The following ME2 variants were observed in gnomAD, a reference collection of about 807,000 sequenced individuals.
The protein encoded by ME2 is malic enzyme 2.
A neutral mutation model predicts 73.7 loss-of-function variants in ME2; 60 were observed. That is an observed-to-expected ratio of 0.81 (90% CI 0.66 to 1.01). The LOEUF is 1.01. Ranked by LOEUF, ME2 falls within the 50% of genes least tolerant of loss-of-function variation. ME2 has a pLI of 0.00. For synonymous variants in ME2, 199 were observed against 236.9 expected, an observed-to-expected ratio of 0.84 and a Z score of 1.47; for missense variants, 594 against 705.5, an observed-to-expected ratio of 0.84 and a Z score of 1.79.
At chr18:50,890,840 C>T (rs1289741155) in intron 1 of ME2, among the ~76,000 whole-genome samples, 1 of 152,178 alleles carries the variant, frequency 6.6e-6, no homozygotes, top group Non-Finnish European at 1.5e-5. Context: ...GTACAGAGTT[C>T]TGGACAGAGC....
intron 1 of ME2, among the ~76,000 whole-genome samples, chr18:50,895,238 A>G (rs538873513): frequency 1.6e-5 from 2 of 123,952 alleles, no homozygotes; most frequent in South Asian, 6.8e-4. Flanking sequence ...ATTATTTTAT[A>G]TAAAGTAATT....
chr18:50,897,702 A>C (rs553265339), intron 2 of ME2, among the ~76,000 whole-genome samples: 1 of 152,168 alleles, frequency 6.6e-6, no homozygotes, highest in Non-Finnish European at 1.5e-5. Flanking sequence ...CTCTACTAAA[A>C]ATACATAATT....
intron 3 of ME2, among the ~76,000 whole-genome samples, chr18:50,911,742 A>C (rs113363326): frequency 2.0e-5 from 3 of 152,238 alleles, no homozygotes; most frequent in Admixed American, 2.0e-4. Flanking sequence ...AAGTAAGTCA[A>C]CATGAAGAAG....
chr18:50,885,196 A>G (rs2095108519), intron 1 of ME2, among the ~76,000 whole-genome samples: 1 of 152,170 alleles, frequency 6.6e-6, no homozygotes, highest in African/African-American at 2.4e-5. Context: ...CTCTCCTGGA[A>G]GAGCCACATA....
Position 50,947,309 on chromosome 18 carries a change from T to C in ME2, c.*125T>C. On this transcript the variant is annotated 3_prime_UTR_variant, in exon 16 of 16. Transcript: ENST00000321341. ...TTCTCCCTGACCACTTTGGTTGATG[T>C]ATTTTTTCCATGCGTCTCCACATCT... is the stretch of plus-strand genomic sequence containing the variant. 1.0e-6 allele frequency: 1 copy of C among 962,008 alleles called. No homozygotes were observed. Among genetic ancestry groups the C allele is most frequent in the Non-Finnish European group, 1.6e-6 (1 of 644,568 alleles). The allele number at this position is 962,008 out of a possible 1,614,324, so 59.6% of individuals were successfully genotyped here.
intron 14 of ME2, chr18:50,939,890 A>G (rs887198774): frequency 3.5e-5 from 16 of 457,028 alleles, no homozygotes; most frequent in Non-Finnish European, 5.9e-5. Flanking sequence ...ATATCTGAAT[A>G]TATTGTGACA....
Position 50,947,077 on chromosome 18 carries a change from G to A in ME2, c.1648G>A (p.Ala550Thr), listed in dbSNP as rs1341414928. ...CCGATACCCAGAACCTGAAGACAAG[G>A]CCAAATATGTTAAAGAAAGAACATG... ...AFRYPEPEDKAKYVKERTWRS... is the reference protein window; with the variant it reads ...AFRYPEPEDKTKYVKERTWRS... The change falls in exon 16 of 16, where the codon GCC becomes ACC. Residue 550 changes from alanine to threonine, a missense_variant. Physicochemically the swap from Ala to Thr is moderately conservative, Grantham distance 58. Coordinates refer to ENST00000321341, the MANE Select transcript of ME2 (RefSeq NM_002396.5). 3 of 1,613,838 alleles carry A rather than the reference G, an allele frequency of 1.9e-6. No individual in the cohort carries two copies. The highest frequency in any genetic ancestry group is 2.5e-6 in the Non-Finnish European group (3 of 1,179,944).
At position 50,947,333 on chromosome 18, in the gene ME2, CTGTTGGGG is replaced by C; in HGVS notation, c.*151_*158del. The C allele has an allele frequency of 4.3e-6, 3 of 696,714 alleles. No individual in the cohort carries two copies. The highest frequency in any genetic ancestry group is 4.8e-6 in the Non-Finnish European group (2 of 418,318). The allele number at this position is 696,714 out of a possible 1,614,324, so 43.2% of individuals were successfully genotyped here. A position where few individuals can be genotyped will look rare whatever the true frequency, so the allele number is the denominator to read the frequency against. ...GTATTTTTTCCATGCGTCTCCACAT[CTGTTGGGG>C]TAGACGTGTTGATTGATTGCATTGC... On this transcript the variant is annotated 3_prime_UTR_variant, in exon 16 of 16. Transcript: ENST00000321341.
rs1161396426 is a variant in ME2 at position 50,953,190 on chromosome 18, C to T, written c.*6006C>T. The T allele has an allele frequency of 2.6e-5, 4 of 151,738 alleles. No homozygotes were observed. The highest frequency in any genetic ancestry group is 4.4e-5 in the Non-Finnish European group (3 of 68,080). 9.4% of individuals were successfully genotyped at this position (151,738 alleles called of 1,614,324 possible). On this transcript the variant is annotated 3_prime_UTR_variant, in exon 16 of 16. Coordinates refer to ENST00000321341, the MANE Select transcript of ME2 (RefSeq NM_002396.5). ...TCTCAGCTCACTGCAAGCTCCGCCTCCCGGGTTATGCCATTCTCCTGCCTC... is the reference window on the plus strand; with the variant it reads ...TCTCAGCTCACTGCAAGCTCCGCCTTCCGGGTTATGCCATTCTCCTGCCTC...
chr18:50,909,393 A>G (rs749096016), intron 3 of ME2, among the ~76,000 whole-genome samples: 2 of 152,216 alleles, frequency 1.3e-5, no homozygotes, highest in African/African-American at 4.8e-5. Flanking sequence ...AAAAAGGTAC[A>G]AGCAGATATA....
At chr18:50,917,626 T>C in intron 6 of ME2, 118 bp downstream of exon 6, 1 of 610,520 alleles carries the variant, frequency 1.6e-6, no homozygotes, top group Non-Finnish European at 2.5e-6. Flanking sequence ...GATTTTTTTT[T>C]CTTAAACTCC....
At chr18:50,940,894 A>AT (rs1481891701) in intron 15 of ME2, among the ~76,000 whole-genome samples, 2 of 151,886 alleles carry the variant, frequency 1.3e-5, no homozygotes, top group Non-Finnish European at 2.9e-5. Flanking sequence ...TCTCTTTATT[A>AT]TTTTTTCAAA....
chr18:50,933,477 GT>G (rs1196753920), intron 13 of ME2: 1 of 151,960 alleles, frequency 6.6e-6, no homozygotes, highest in Non-Finnish European at 1.5e-5. Context: ...TGCCCCTCAT[GT>G]TTTCCTATAT....
chr18:50,940,157 G>A, intron 14 of ME2, 131 bp from the exon 15 acceptor site: 1 of 696,596 alleles, frequency 1.4e-6, no homozygotes. Flanking sequence ...TGGTTTAAGT[G>A]TATTCCTTCA....
intron 12 of ME2, among the ~76,000 whole-genome samples, chr18:50,930,210 T>G (rs1466176233): frequency 6.6e-6 from 1 of 151,982 alleles, no homozygotes; most frequent in Non-Finnish European, 1.5e-5. Context: ...CAGTGAGCTG[T>G]GATCGTGCCA....
chr18:50,910,299 C>T (rs1172322240), intron 3 of ME2, among the ~76,000 whole-genome samples: 4 of 137,672 alleles, frequency 2.9e-5, no homozygotes, highest in African/African-American at 1.1e-4. Flanking sequence ...AAAAGCCAGG[C>T]ATGGTGTCGC....
intron 2 of ME2, among the ~76,000 whole-genome samples, chr18:50,906,773 TA>T (rs1917029653): frequency 6.6e-6 from 1 of 152,192 alleles, no homozygotes; most frequent in Admixed American, 6.5e-5. Context: ...TGTTGCGGCA[TA>T]CCTCCAGCAC....
chr18:50,927,315 CA>C (rs1179273361), intron 12 of ME2, among the ~76,000 whole-genome samples: 4 of 152,098 alleles, frequency 2.6e-5, no homozygotes, highest in African/African-American at 4.8e-5. Flanking sequence ...AAATCTGATA[CA>C]TTTTTTTAAT....
At chr18:50,912,608 A>G (rs892820491) in intron 3 of ME2, among the ~76,000 whole-genome samples, 193 bp from the exon 4 acceptor site, 2 of 152,150 alleles carry the variant, frequency 1.3e-5, no homozygotes, top group African/African-American at 4.8e-5. Context: ...CTATTTAAGT[A>G]CCCTCATATT....
Sources: allele counts gnomAD v4.1 joint callset (sites outside exome capture counted in the v4.1 genomes callset), GRCh38; gene constraint gnomAD v4.1.1; transcripts MANE v1.5; gene names NCBI Gene and HGNC (gene_info 2026-07-23, HGNC 2026-07-21).